UGP2: variants seen among roughly 807,000 people sequenced by gnomAD.
UGP2 encodes UTP--glucose-1-phosphate uridylyltransferase.
Under a neutral mutation model 49.0 loss-of-function variants are expected in UGP2, and 40 were observed. The ratio of observed to expected loss-of-function variants is 0.82; its 90% confidence interval spans 0.63 to 1.06. UGP2 has a LOEUF of 1.06. Ranked by LOEUF, UGP2 falls within the 50% of genes least tolerant of loss-of-function variation. The pLI is 0.00. For synonymous variants in UGP2, 225 were observed against 213.0 expected, an observed-to-expected ratio of 1.06 and a Z score of -0.49; for missense variants, 460 against 603.5, an observed-to-expected ratio of 0.76 and a Z score of 2.49.
intron 3 of UGP2, among the ~76,000 whole-genome samples, chr2:63,873,544 G>A (rs561546422): frequency 1.4e-4 from 21 of 152,032 alleles, no homozygotes; most frequent in African/African-American, 3.9e-4. Context: ...GCAAGTACCC[G>A]TTGGCTCATA....
intron 3 of UGP2, among the ~76,000 whole-genome samples, chr2:63,879,638 A>G (rs192813097): frequency 2.3e-3 from 352 of 152,354 alleles, no homozygotes; most frequent in Non-Finnish European, 4.4e-3. Context: ...TATAGAATGA[A>G]AGTCCGGATA....
intron 8 of UGP2, 91 bp downstream of exon 8, chr2:63,887,735 T>C: frequency 2.7e-6 from 4 of 1,496,666 alleles, no homozygotes; most frequent in Middle Eastern, 2.2e-4. Context: ...CTAATTACAG[T>C]CTCTACCACT....
rs1219761338 is a variant in UGP2, at chr2:63,885,888, TA to T, written c.873+5del. 6.4e-7 allele frequency: 1 copy of T among 1,563,084 alleles called. No homozygotes were observed. The highest frequency in any genetic ancestry group is 1.4e-5 in the African/African-American group (1 of 72,694). On this transcript the variant is annotated splice_donor_region_variant and intron_variant, in intron 6 of 9. Transcript: ENST00000337130. ...AATAAAACACGTGCAGATGTAAAGGTAAATACCGAGAGGAAGCAGTTTAGGG... is the reference window on the plus strand; with the variant it reads ...AATAAAACACGTGCAGATGTAAAGGTAATACCGAGAGGAAGCAGTTTAGGG...
rs568690845 is a variant in UGP2, at chr2:63,842,960, A to G, written c.19+756A>G. On this transcript the variant is annotated intron_variant, in intron 1 of 9. Transcript: ENST00000337130. ...GGTGCTGGCATAAACCTTTGACACC[A>G]GTTTGTAGCATGAGATTTGCCTTCT... Among the ~76,000 whole-genome samples the G allele has an allele frequency of 3.9e-5, 6 of 152,338 alleles. No individual in the cohort carries two copies. In the South Asian group the frequency reaches 1.0e-3, roughly 26 times the overall value.
intron 3 of UGP2, among the ~76,000 whole-genome samples, chr2:63,874,155 G>A (rs1224210322): frequency 6.6e-6 from 1 of 152,218 alleles, no homozygotes; most frequent in Non-Finnish European, 1.5e-5. Context: ...CCAGCTGAAA[G>A]TCAGGGTTCT....
intron 1 of UGP2, among the ~76,000 whole-genome samples, chr2:63,855,231 A>G (rs907401374): frequency 2.0e-5 from 3 of 152,216 alleles, no homozygotes; most frequent in African/African-American, 7.2e-5. Context: ...TAGGTGGAGT[A>G]TATAAGGGGA....
At chr2:63,878,579 C>A (rs1053294179) in intron 3 of UGP2, among the ~76,000 whole-genome samples, 1 of 152,010 alleles carries the variant, frequency 6.6e-6, no homozygotes, top group Non-Finnish European at 1.5e-5. Context: ...AACTTTGTAC[C>A]TAGGACTCAG....
At chr2:63,852,559 T>A (rs145607867) in intron 1 of UGP2, among the ~76,000 whole-genome samples, 22 of 152,216 alleles carry the variant, frequency 1.4e-4, no homozygotes, top group Admixed American at 1.4e-3. Flanking sequence ...GCAATGAGAA[T>A]TTCATCAAAC....
chr2:63,889,576 A>G (rs560277116), intron 8 of UGP2: 53 of 152,424 alleles, frequency 3.5e-4, no homozygotes, highest in African/African-American at 1.2e-3. Context: ...AAAATAGGAA[A>G]CGGGGTCACA....
chr2:63,888,276 G>A (rs964589219), intron 8 of UGP2: 2 of 152,870 alleles, frequency 1.3e-5, no homozygotes, highest in African/African-American at 4.8e-5. Context: ...GGAATAGCAA[G>A]TACAGTACAT....
At chr2:63,871,722 A>G (rs1222381769) in intron 3 of UGP2, among the ~76,000 whole-genome samples, 3 of 152,220 alleles carry the variant, frequency 2.0e-5, no homozygotes, top group Non-Finnish European at 4.4e-5. Context: ...GGTTGTTTAT[A>G]TGGCAGCGTT....
chr2:63,874,354 T>A (rs1670764581), intron 3 of UGP2, among the ~76,000 whole-genome samples: 1 of 152,154 alleles, frequency 6.6e-6, no homozygotes, highest in African/African-American at 2.4e-5. Context: ...ACCACTGCAA[T>A]AACACAGGTC....
At chr2:63,880,379 G>T (rs888158255) in intron 3 of UGP2, among the ~76,000 whole-genome samples, 1 of 151,952 alleles carries the variant, frequency 6.6e-6, no homozygotes, top group Non-Finnish European at 1.5e-5. Context: ...TCACCATGTT[G>T]CCCAGACTAG....
At chr2:63,857,698 C>T (rs1166104836) in intron 2 of UGP2, 131 bp from the exon 3 acceptor site, 2 of 954,064 alleles carry the variant, frequency 2.1e-6, no homozygotes, top group Admixed American at 4.1e-5. Flanking sequence ...AAAAGTCTTG[C>T]TCCCTCCATG....
At chr2:63,845,759 G>A (rs1178441662) in intron 1 of UGP2, among the ~76,000 whole-genome samples, 1 of 152,126 alleles carries the variant, frequency 6.6e-6, no homozygotes, top group Non-Finnish European at 1.5e-5. Flanking sequence ...CCTAAGTGTT[G>A]TGTACACCTG....
At chr2:63,884,993 C>CTTTTTTTTTTTTTTTTT (rs528966512) in intron 5 of UGP2, among the ~76,000 whole-genome samples, 2 of 23,148 alleles carry the variant, frequency 8.6e-5, no homozygotes, top group Non-Finnish European at 1.5e-4. Context: ...CCCATGGTTA[C>CTTTTTTTTTTTTTTTTT]TTTTTTTTTT....
chr2:63,855,369 C>T lies in UGP2; in HGVS notation c.20-937C>T, dbSNP rs1348693348. On this transcript the variant is annotated intron_variant, in intron 1 of 9. Coordinates refer to ENST00000337130, the MANE Select transcript of UGP2 (RefSeq NM_006759.4). ...TTTTAAAATAAGATTGAATCAAATA[C>T]TAAGGATAGAAGGGGAAGGGTGGAC... 3 of 455,780 alleles carry T rather than the reference C, an allele frequency of 6.6e-6. No homozygotes were observed. The Admixed American group carries it at 7.7e-5, about 12-fold the overall frequency. 28.2% of individuals were successfully genotyped at this position (455,780 alleles called of 1,614,324 possible).
chr2:63,886,037 T>A, intron 6 of UGP2, 151 bp downstream of exon 6: 1 of 992,838 alleles, frequency 1.0e-6, no homozygotes, highest in Non-Finnish European at 1.4e-6. Context: ...AAATCCATAA[T>A]AAATAGTATC....
chr2:63,872,868 A>T (rs1049715246), intron 3 of UGP2, among the ~76,000 whole-genome samples: 2 of 151,970 alleles, frequency 1.3e-5, no homozygotes, highest in Admixed American at 6.6e-5. Flanking sequence ...CAAGCAAAAC[A>T]TGCTGGACGA....
Sources: allele counts gnomAD v4.1 joint callset (sites outside exome capture counted in the v4.1 genomes callset), GRCh38; gene constraint gnomAD v4.1.1; transcripts MANE v1.5; gene names NCBI Gene and HGNC (gene_info 2026-07-23, HGNC 2026-07-21).